Variants in NCKAP5 observed in about 807,000 individuals in gnomAD.
NCKAP5 encodes nck-associated protein 5.
Under a neutral mutation model 167.0 loss-of-function variants are expected in NCKAP5, and 92 were observed. The observed-to-expected ratio is 0.55, with a 90% CI of 0.47 to 0.66. NCKAP5 has a LOEUF of 0.66. NCKAP5 is among the 30% of genes least tolerant of loss of function. The pLI, the probability that NCKAP5 is intolerant of heterozygous loss-of-function variation, is 0.00. For missense variants in NCKAP5, 2,378 were observed against 2,315.0 expected (o/e 1.03, Z -0.56); for synonymous variants, 891 against 877.4 (o/e 1.02, Z -0.27).
the NCKAP5 span, among the ~76,000 whole-genome samples, chr2:133,668,409 A>G: frequency 6.6e-6 from 1 of 152,072 alleles, no homozygotes; most frequent in African/African-American, 2.4e-5. Context: ...CCCGCCAGCA[A>G]TATATGAAGG....
chr2:133,474,800 G>GT (rs11448604), intron 3 of NCKAP5, among the ~76,000 whole-genome samples: 35,019 of 148,474 alleles, frequency 0.24, 6,047 homozygotes, highest in African/African-American at 0.5. Context: ...GAATTCTAGG[G>GT]TTTTTTTTTT....
intron 19 of NCKAP5, among the ~76,000 whole-genome samples, chr2:132,683,635 A>C (rs1685548830): frequency 6.6e-6 from 1 of 152,198 alleles, no homozygotes; most frequent in Non-Finnish European, 1.5e-5. Context: ...ACCTTGGTTC[A>C]AAAGTAATTG....
the NCKAP5 span, among the ~76,000 whole-genome samples, chr2:133,605,356 T>C: frequency 1.2e-3 from 176 of 152,236 alleles, no homozygotes; most frequent in African/African-American, 4.0e-3. Flanking sequence ...ATTTGTGTGG[T>C]CTGGGGAGGG....
the NCKAP5 span, among the ~76,000 whole-genome samples, chr2:133,630,806 A>G: frequency 2.0e-5 from 3 of 152,194 alleles, no homozygotes; most frequent in Non-Finnish European, 4.4e-5. Flanking sequence ...ACAGACCAGA[A>G]AAACAGATTC....
intron 6 of NCKAP5, among the ~76,000 whole-genome samples, chr2:133,025,416 T>C (rs983325028): frequency 1.3e-5 from 2 of 152,206 alleles, no homozygotes; most frequent in African/African-American, 2.4e-5. Flanking sequence ...TGTCATTCAA[T>C]GAAAGTTAGC....
At chr2:132,943,887 G>C (rs1041929255) in intron 8 of NCKAP5, among the ~76,000 whole-genome samples, 5 of 152,242 alleles carry the variant, frequency 3.3e-5, no homozygotes, top group African/African-American at 1.2e-4. Context: ...GCAGACATGA[G>C]TACGTAGCCT....
chr2:133,151,486 T>G (rs538880122), intron 5 of NCKAP5, among the ~76,000 whole-genome samples: 1 of 152,098 alleles, frequency 6.6e-6, no homozygotes, highest in Non-Finnish European at 1.5e-5. Flanking sequence ...AGCAAAAGAT[T>G]TGAAAGAACA....
intron 3 of NCKAP5, among the ~76,000 whole-genome samples, chr2:133,346,603 C>T (rs1390433132): frequency 6.6e-6 from 1 of 152,202 alleles, no homozygotes; most frequent in Non-Finnish European, 1.5e-5. Context: ...TGGCAGCTTC[C>T]AGGGCTGCGG....
At chr2:133,294,972 C>A (rs1679858840) in intron 4 of NCKAP5, among the ~76,000 whole-genome samples, 2 of 152,140 alleles carry the variant, frequency 1.3e-5, no homozygotes. Flanking sequence ...CATCAGTTCC[C>A]CCGCCTTGGG....
At chr2:133,120,598 G>A (rs1038935662) in intron 6 of NCKAP5, among the ~76,000 whole-genome samples, 3 of 152,172 alleles carry the variant, frequency 2.0e-5, no homozygotes, top group Admixed American at 1.3e-4. Flanking sequence ...CTTATGGGAA[G>A]TAAACCTTCA....
At chr2:132,795,815 T>TATC in intron 12 of NCKAP5, among the ~76,000 whole-genome samples, 1 of 76,210 alleles carries the variant, frequency 1.3e-5, no homozygotes, top group East Asian at 5.2e-4. Flanking sequence ...TGAGACCCCG[T>TATC]ATCAGAAAAA....
chr2:132,934,540 C>T lies in NCKAP5; in HGVS notation c.579+29180G>A, dbSNP rs904150360. ...TGAGTAGAGATCACGTCATTGCACT[C>T]CAGCTTGGGTGAGAGAGTGAGACTC... On this transcript the variant is annotated intron_variant, in intron 8 of 19. Transcript: ENST00000409261. Among the ~76,000 whole-genome samples the T allele has an allele frequency of 5.9e-5, 9 of 151,952 alleles. No homozygotes were observed. In the South Asian group the frequency reaches 6.2e-4, roughly 11 times the overall value.
At chr2:133,436,698 C>T (rs773602414) in intron 3 of NCKAP5, among the ~76,000 whole-genome samples, 12 of 152,142 alleles carry the variant, frequency 7.9e-5, no homozygotes, top group Non-Finnish European at 1.5e-4. Flanking sequence ...GCTTCGGCGT[C>T]GCCCTTCTAG....
chr2:132,674,799 C>A lies in NCKAP5; in HGVS notation c.5714-1494G>T, dbSNP rs138621625. ...TCTATGGGAATATTTGAAAATCATC[C>A]TAGATCTAGTGCTTATTTCATTATA... On this transcript the variant is annotated intron_variant, in intron 19 of 19. Coordinates refer to ENST00000409261, the MANE Select transcript of NCKAP5 (RefSeq NM_207363.3). 8.3e-3 allele frequency among the ~76,000 whole-genome samples: 1,257 copies of A among 152,240 alleles called. 19 individuals carry two copies. The highest frequency in any genetic ancestry group is 0.012 in the Non-Finnish European group (796 of 68,016).
At chr2:133,136,651 G>T (rs2082796527) in intron 5 of NCKAP5, among the ~76,000 whole-genome samples, 1 of 152,186 alleles carries the variant, frequency 6.6e-6, no homozygotes, top group East Asian at 1.9e-4. Flanking sequence ...AAGAATCATG[G>T]GGAAAACATT....
chr2:133,170,426 G>A (rs574583676), intron 5 of NCKAP5, among the ~76,000 whole-genome samples: 6 of 152,262 alleles, frequency 3.9e-5, no homozygotes, highest in Non-Finnish European at 5.9e-5. Context: ...TGAATATGAG[G>A]ATAATGGTTT....
At chr2:132,943,475 T>C (rs945328099) in intron 8 of NCKAP5, among the ~76,000 whole-genome samples, 1 of 152,222 alleles carries the variant, frequency 6.6e-6, no homozygotes, top group Non-Finnish European at 1.5e-5. Context: ...GGAAGTGTGA[T>C]AACATAGATG....
In NCKAP5 at chr2:132,752,516, T is replaced by A. The variant is rs146893162; in HGVS notation, c.5129-20465A>T. On this transcript the variant is annotated intron_variant, in intron 16 of 19. Coordinates refer to ENST00000409261, the MANE Select transcript of NCKAP5 (RefSeq NM_207363.3). ...GCTGGCTGGTGTCTGAATCTTGGCA[T>A]CTGTAGTCTCTACCCACCCCCTGCC... is the stretch of plus-strand genomic sequence containing the variant. Among the ~76,000 whole-genome samples, 391 of 152,332 alleles carry A rather than the reference T, an allele frequency of 2.6e-3. 2 individuals are homozygous for A. The highest frequency in any genetic ancestry group is 0.017 in the Middle Eastern group (5 of 294).
the NCKAP5 span, among the ~76,000 whole-genome samples, chr2:133,603,191 G>T: frequency 6.6e-6 from 1 of 151,622 alleles, no homozygotes; most frequent in Non-Finnish European, 1.5e-5. Context: ...CAGAGCAGTG[G>T]CCCTGATGGC....
Sources: allele counts gnomAD v4.1 joint callset (sites outside exome capture counted in the v4.1 genomes callset), GRCh38; gene constraint gnomAD v4.1.1; transcripts MANE v1.5; gene names NCBI Gene and HGNC (gene_info 2026-07-23, HGNC 2026-07-21).